Variants in MAU2 observed in about 807,000 individuals in gnomAD.
MAU2 encodes the protein MAU2 sister chromatid cohesion factor.
A neutral mutation model predicts 89.1 loss-of-function variants in MAU2; 9 were observed. That is an observed-to-expected ratio of 0.10 (90% CI 0.06 to 0.18). The LOEUF (loss-of-function observed/expected upper bound fraction) is 0.18, where lower values mean the gene tolerates loss of function less well. Among genes scored for constraint, MAU2 ranks in the 10% least tolerant of loss-of-function variants. The pLI is 1.00. For synonymous variants in MAU2, 357 were observed against 343.4 expected (o/e 1.04, Z -0.44); for missense variants, 425 against 803.5 (o/e 0.53, Z 5.69).
At chr19:19,354,227 G>A (rs1179564932) in intron 16 of MAU2, 128 bp from the exon 17 acceptor site, 12 of 699,650 alleles carry the variant, frequency 1.7e-5, no homozygotes, top group Non-Finnish European at 2.6e-5. Context: ...TTCACCAGAC[G>A]CAGAAGGAGG....
At position 19,320,877 on chromosome 19, in the gene MAU2, GGCA is replaced by G; in HGVS notation, c.21_23del (p.Ala9del). On this transcript the variant is annotated inframe_deletion, in exon 1 of 19. Coordinates refer to ENST00000262815, the MANE Select transcript of MAU2 (RefSeq NM_015329.4). ...AGGCCAAAATGGCGGCTCAGGCGGC[GGCA>G]GCGGCCCAGGCGGCGGCGGCCCAGG... The G allele has an allele frequency of 6.6e-7, 1 of 1,511,508 alleles. No individual in the cohort carries two copies. Among genetic ancestry groups the G allele is most frequent in the Non-Finnish European group, 8.8e-7 (1 of 1,131,804 alleles). The allele number at this position is 1,511,508 out of a possible 1,614,324, so 93.6% of individuals were successfully genotyped here.
Position 19,345,045 on chromosome 19 carries a change from CG to C in MAU2, c.1155+121del. ...CCCTGACAGCACCCTAATCAGAATC[CG>C]GAATGTTCCCATAGGTAATCATATA... On this transcript the variant is annotated intron_variant, in intron 11 of 18. Coordinates refer to ENST00000262815, the MANE Select transcript of MAU2 (RefSeq NM_015329.4). This position sits in a 1 kb window ranked among gnomAD's most constrained non-coding sequence, Gnocchi z 4.9. 1 of 935,822 alleles carries C rather than the reference CG, an allele frequency of 1.1e-6. No individual in the cohort carries two copies. Among genetic ancestry groups the C allele is most frequent in the Non-Finnish European group, 1.7e-6 (1 of 600,036 alleles). 58.0% of individuals were successfully genotyped at this position (935,822 alleles called of 1,614,324 possible).
At chr19:19,326,691 A>ATAT (rs1555792830) in intron 1 of MAU2, among the ~76,000 whole-genome samples, 2 of 109,448 alleles carry the variant, frequency 1.8e-5, no homozygotes, top group Non-Finnish European at 3.8e-5. Context: ...CTCAAAAAAA[A>ATAT]ATATATATAT....
intron 5 of MAU2, chr19:19,339,559 T>TG (rs2061624073): frequency 6.6e-6 from 1 of 150,816 alleles, no homozygotes; most frequent in Admixed American, 6.6e-5. Flanking sequence ...TTTTTGTTGT[T>TG]TTTTTTTTGT....
rs1007067646 is a variant in MAU2, at chr19:19,327,018, C to T, written c.276+5883C>T. Among the ~76,000 whole-genome samples, 7 of 151,596 alleles carry T rather than the reference C, an allele frequency of 4.6e-5. 1 individual carries two copies. The highest frequency in any genetic ancestry group is 1.9e-4 in the East Asian group (1 of 5,182). On this transcript the variant is annotated intron_variant, in intron 1 of 18. Transcript: ENST00000262815. Reference sequence around the variant, plus strand: ...ATAGAGCTAGGGTCTAACTGTGTTGCCCAGGCTGGTCTTAAACTCCGGGCC... The same window carrying T: ...ATAGAGCTAGGGTCTAACTGTGTTGTCCAGGCTGGTCTTAAACTCCGGGCC...
chr19:19,347,235 A>G, intron 12 of MAU2, 45 bp from the exon 13 acceptor site: 8 of 1,289,874 alleles, frequency 6.2e-6, no homozygotes, highest in Non-Finnish European at 9.0e-6. Flanking sequence ...CACATGGGTC[A>G]CAGCACCCGA....
intron 1 of MAU2, among the ~76,000 whole-genome samples, chr19:19,333,346 C>T (rs1241817658): frequency 6.6e-6 from 1 of 152,196 alleles, no homozygotes; most frequent in African/African-American, 2.4e-5. Context: ...ATTAGCCAGA[C>T]GTGGTGGTTC....
At chr19:19,354,228 C>A (rs2048151640) in intron 16 of MAU2, 127 bp from the exon 17 acceptor site, 4 of 704,178 alleles carry the variant, frequency 5.7e-6, no homozygotes, top group Middle Eastern at 2.3e-4. Flanking sequence ...TCACCAGACG[C>A]AGAAGGAGGT....
chr19:19,338,189 G>A (rs1038242132), intron 4 of MAU2, among the ~76,000 whole-genome samples: 1 of 152,194 alleles, frequency 6.6e-6, no homozygotes, highest in Admixed American at 6.5e-5. Flanking sequence ...AGTTCCCGAG[G>A]CCCTCCTCCC....
intron 1 of MAU2, among the ~76,000 whole-genome samples, chr19:19,331,022 C>T (rs1373972232): frequency 1.3e-5 from 2 of 152,170 alleles, no homozygotes; most frequent in Non-Finnish European, 2.9e-5. Flanking sequence ...CCTTCCACCC[C>T]ACTTGAAACC....
At chr19:19,335,682 G>A (rs1422140267) in intron 1 of MAU2, 36 bp from the exon 2 acceptor site, 1 of 1,613,538 alleles carries the variant, frequency 6.2e-7, no homozygotes, top group East Asian at 2.2e-5. Context: ...CCAGGTGTTT[G>A]CCTGAGAATT....
At chr19:19,339,031 A>C (rs570937462) in intron 5 of MAU2, 92 bp downstream of exon 5, 868 of 1,003,608 alleles carry the variant, frequency 8.6e-4, no homozygotes, top group Admixed American at 1.8e-3. Context: ...ATGGCATTTC[A>C]GGTGAAGTAC....
At chr19:19,339,279 T>A (rs1023018289) in intron 5 of MAU2, among the ~76,000 whole-genome samples, 12 of 152,006 alleles carry the variant, frequency 7.9e-5, no homozygotes, top group Admixed American at 5.9e-4. Context: ...GAAACCTGTT[T>A]CTACTAAAAA....
At chr19:19,329,155 C>T in intron 1 of MAU2, 1 of 455,038 alleles carries the variant, frequency 2.2e-6, no homozygotes, top group Non-Finnish European at 4.4e-6. Context: ...CTCATCAGGC[C>T]CAGCGTAAGC....
chr19:19,336,700 G>A (rs1739407502), intron 3 of MAU2, among the ~76,000 whole-genome samples: 1 of 152,194 alleles, frequency 6.6e-6, no homozygotes, highest in Non-Finnish European at 1.5e-5. Flanking sequence ...GGAAAGATCA[G>A]CCTGTTCCTC....
At chr19:19,354,611 G>C (rs1189637675) in intron 17 of MAU2, 166 bp downstream of exon 17, 1 of 639,504 alleles carries the variant, frequency 1.6e-6, no homozygotes, top group Non-Finnish European at 2.8e-6. Context: ...CCTGGTTGAG[G>C]GCAGTGGGTG....
chr19:19,339,709 G>A (rs2061625411), intron 5 of MAU2: 1 of 151,890 alleles, frequency 6.6e-6, no homozygotes, highest in Non-Finnish European at 1.5e-5. Context: ...TTTCACGTGA[G>A]TGCGTCTAAG....
chr19:19,322,987 T>TGCC (rs1353477095), intron 1 of MAU2, among the ~76,000 whole-genome samples: 1 of 151,944 alleles, frequency 6.6e-6, no homozygotes, highest in Non-Finnish European at 1.5e-5. Context: ...GTCTCCCGGG[T>TGCC]TCAAGTGATT....
intron 1 of MAU2, among the ~76,000 whole-genome samples, chr19:19,322,870 G>T (rs1261488432): frequency 2.0e-5 from 3 of 152,076 alleles, no homozygotes; most frequent in African/African-American, 7.2e-5. Flanking sequence ...GTTGGAAGGA[G>T]ACTTTATTTT....
Sources: allele counts gnomAD v4.1 joint callset (sites outside exome capture counted in the v4.1 genomes callset), GRCh38; gene constraint gnomAD v4.1.1; non-coding constraint Gnocchi (gnomAD v3.1); transcripts MANE v1.5; gene names NCBI Gene and HGNC (gene_info 2026-07-23, HGNC 2026-07-21).